ZNF385D: variants seen among roughly 807,000 people sequenced by gnomAD.
ZNF385D encodes zinc finger protein 385D.
A neutral mutation model predicts 35.8 loss-of-function variants in ZNF385D; 15 were observed. The observed-to-expected ratio is 0.42, with a 90% CI of 0.28 to 0.64. The LOEUF is 0.64. Ranked by LOEUF, ZNF385D falls within the 30% of genes least tolerant of loss-of-function variation. ZNF385D has a pLI of 0.23. For missense variants in ZNF385D, 474 were observed against 494.6 expected, an observed-to-expected ratio of 0.96 and a Z score of 0.39; for synonymous variants, 212 against 186.8, an observed-to-expected ratio of 1.13 and a Z score of -1.10.
intron 2 of ZNF385D, among the ~76,000 whole-genome samples, chr3:22,231,364 G>A (rs78838009): frequency 4.0e-5 from 6 of 149,606 alleles, no homozygotes; most frequent in Non-Finnish European, 8.9e-5. Context: ...GTGAGAGAGA[G>A]AAAAAAAAAA....
At chr3:21,992,582 G>C (rs1487486699) in intron 3 of ZNF385D, among the ~76,000 whole-genome samples, 1 of 152,038 alleles carries the variant, frequency 6.6e-6, no homozygotes, top group African/African-American at 2.4e-5. Context: ...CACTTTCTCA[G>C]GCTATGTTAA....
intron 2 of ZNF385D, among the ~76,000 whole-genome samples, chr3:21,635,060 C>T (rs1035433511): frequency 2.0e-5 from 3 of 151,978 alleles, no homozygotes; most frequent in Non-Finnish European, 4.4e-5. Flanking sequence ...CAAATAGAAA[C>T]CCATAGACCA....
chr3:21,936,120 G>A (rs1349725660), intron 3 of ZNF385D, among the ~76,000 whole-genome samples: 3 of 151,796 alleles, frequency 2.0e-5, no homozygotes, highest in African/African-American at 4.8e-5. Context: ...GGTGAGAGAG[G>A]GAGGAGAAGA....
chr3:21,967,486 T>A (rs766827768), intron 3 of ZNF385D, among the ~76,000 whole-genome samples: 17 of 152,178 alleles, frequency 1.1e-4, no homozygotes, highest in Non-Finnish European at 1.8e-4. Flanking sequence ...AAACAATGGA[T>A]CTCAAATCAC....
At chr3:22,371,038 A>AT (rs1696879937) in intron 2 of ZNF385D, among the ~76,000 whole-genome samples, 1 of 152,194 alleles carries the variant, frequency 6.6e-6, no homozygotes, top group South Asian at 2.1e-4. Context: ...GCTCAAGTTA[A>AT]TTTCTAAAAA....
rs181399867 is a variant in ZNF385D at position 22,315,630 on chromosome 3, A to T, written c.106+56820T>A. ...AAACACAGAAGACATTTGAGCTAAA[A>T]CAAGATATTAAATGTGAAACCACCT... On this transcript the variant is annotated intron_variant, in intron 2 of 5. Transcript: ENST00000494108. Among the ~76,000 whole-genome samples, 93 of 152,300 alleles carry T rather than the reference A, an allele frequency of 6.1e-4. 1 individual carries two copies. The highest frequency in any genetic ancestry group is 2.0e-3 in the African/African-American group (84 of 41,570).
intron 3 of ZNF385D, among the ~76,000 whole-genome samples, chr3:21,995,156 C>A (rs972013024): frequency 1.3e-5 from 2 of 152,200 alleles, no homozygotes; most frequent in African/African-American, 2.4e-5. Flanking sequence ...CCCTAGGCAA[C>A]AACACAGAGG....
intron 3 of ZNF385D, among the ~76,000 whole-genome samples, chr3:21,771,208 G>T (rs147121006): frequency 0.028 from 4,324 of 151,850 alleles, 102 homozygotes; most frequent in Middle Eastern, 0.068. Flanking sequence ...CCTGCACGTT[G>T]TGGACATGTA....
At chr3:22,347,151 AT>A (rs1280735640) in intron 2 of ZNF385D, among the ~76,000 whole-genome samples, 7 of 152,230 alleles carry the variant, frequency 4.6e-5, no homozygotes, top group African/African-American at 1.4e-4. Context: ...TTACAAAAAA[AT>A]GTGTTTCATT....
chr3:21,862,742 A>C lies in ZNF385D; in HGVS notation c.326-197714T>G, dbSNP rs188558448. Among the ~76,000 whole-genome samples the C allele has an allele frequency of 7.2e-3, 1,100 of 152,278 alleles. 5 individuals are homozygous for C. The highest frequency in any genetic ancestry group is 0.019 in the South Asian group (92 of 4,826). The stretch of plus-strand genomic sequence containing the variant: ...CTGTGCCTCCCCAAGGGCTCCTTAT[A>C]GAAGTTCTTTTTCTGTTAGCACGGT... On this transcript the variant is annotated intron_variant, in intron 3 of 5. Coordinates refer to the ZNF385D transcript ENST00000494108.
chr3:21,927,958 T>C (rs1700815041), intron 3 of ZNF385D, among the ~76,000 whole-genome samples: 1 of 152,112 alleles, frequency 6.6e-6, no homozygotes, highest in South Asian at 2.1e-4. Flanking sequence ...ACATGGTGGC[T>C]TGTGCCTGAA....
chr3:21,962,242 A>G (rs758132407), intron 3 of ZNF385D, among the ~76,000 whole-genome samples: 1 of 152,194 alleles, frequency 6.6e-6, no homozygotes, highest in Non-Finnish European at 1.5e-5. Flanking sequence ...AAGTAGAGAA[A>G]TGAAGATTTC....
At chr3:22,136,941 T>A (rs1437222814) in intron 3 of ZNF385D, among the ~76,000 whole-genome samples, 1 of 152,108 alleles carries the variant, frequency 6.6e-6, no homozygotes. Flanking sequence ...GAGGGATGAT[T>A]AGATAGAGCA....
rs563856830 is a variant in ZNF385D at position 22,345,732 on chromosome 3, A to T, written c.106+26718T>A. Among the ~76,000 whole-genome samples, 54 of 152,322 alleles carry T rather than the reference A, an allele frequency of 3.5e-4. 2 individuals carry two copies. In the South Asian group the frequency reaches 0.01, roughly 29 times the overall value. On this transcript the variant is annotated intron_variant, in intron 2 of 5. Transcript: ENST00000494108. Reference sequence around the variant, plus strand: ...ATGACTTCATCTTCCAGCTTCTAGAAGTGCTACTGGCTGATACATTCAATT... The same window carrying T: ...ATGACTTCATCTTCCAGCTTCTAGATGTGCTACTGGCTGATACATTCAATT...
Position 21,901,074 on chromosome 3 carries a change from T to C in ZNF385D, c.326-236046A>G, listed in dbSNP as rs116128769. 5.0e-3 allele frequency among the ~76,000 whole-genome samples: 762 copies of C among 152,356 alleles called. 9 individuals are homozygous for C. The highest frequency in any genetic ancestry group is 0.017 in the African/African-American group (725 of 41,580). On this transcript the variant is annotated intron_variant, in intron 3 of 5. Transcript: ENST00000494108. The stretch of plus-strand genomic sequence containing the variant: ...CATCATAACACTAATGAGCAACATT[T>C]ATTGAGTAGCAAGTGCTGCGCTAAG...
At chr3:22,047,589 T>A (rs1699082124) in intron 3 of ZNF385D, among the ~76,000 whole-genome samples, 3 of 152,154 alleles carry the variant, frequency 2.0e-5, no homozygotes, top group Admixed American at 6.5e-5. Flanking sequence ...CCTTCCTGTT[T>A]AATGCTGAAT....
chr3:21,756,877 G>C (rs1267068857), intron 3 of ZNF385D, among the ~76,000 whole-genome samples: 1 of 152,118 alleles, frequency 6.6e-6, no homozygotes, highest in Non-Finnish European at 1.5e-5. Context: ...CAATTTATCT[G>C]TGTAGTGTTT....
At chr3:22,063,581 A>C (rs1699793648) in intron 3 of ZNF385D, among the ~76,000 whole-genome samples, 1 of 152,172 alleles carries the variant, frequency 6.6e-6, no homozygotes, top group Admixed American at 6.5e-5. Context: ...ATAAATCAAA[A>C]ATAACCCTAA....
rs1198393962 is a variant in ZNF385D, at chr3:21,908,154, CTAT to C, written c.326-243129_326-243127del. 3.4e-3 allele frequency among the ~76,000 whole-genome samples: 509 copies of C among 150,772 alleles called. 4 individuals are homozygous for C. The highest frequency in any genetic ancestry group is 8.7e-3 in the African/African-American group (353 of 40,774). On this transcript the variant is annotated intron_variant, in intron 3 of 5. Transcript: ENST00000494108. The stretch of plus-strand genomic sequence containing the variant: ...TCTATCTATCTATCTATCTATCTAT[CTAT>C]CTATCTATCTATCTATATATGTATA...
Sources: allele counts gnomAD v4.1 joint callset (sites outside exome capture counted in the v4.1 genomes callset), GRCh38; gene constraint gnomAD v4.1.1; transcripts MANE v1.5; gene names NCBI Gene and HGNC (gene_info 2026-07-23, HGNC 2026-07-21).